Variants in SCAPER observed in about 807,000 individuals in gnomAD.
SCAPER encodes the protein S-phase cyclin A associated protein in the ER.
In SCAPER, 98 loss-of-function variants were observed where a neutral mutation model predicts 182.2. The ratio of observed to expected loss-of-function variants is 0.54; its 90% CI spans 0.46 to 0.64. The LOEUF (loss-of-function observed/expected upper bound fraction) is 0.64, where lower values mean the gene tolerates loss of function less well. Ranked by LOEUF, SCAPER falls within the 30% of genes least tolerant of loss-of-function variation. SCAPER has a pLI of 0.00. For synonymous variants in SCAPER, 605 were observed against 564.6 expected, an observed-to-expected ratio of 1.07 and a Z score of -1.01; for missense variants, 1,432 against 1,690.0, an observed-to-expected ratio of 0.85 and a Z score of 2.68.
chr15:76,864,966 C>T (rs2072161051), intron 2 of SCAPER, among the ~76,000 whole-genome samples: 1 of 152,138 alleles, frequency 6.6e-6, no homozygotes, highest in African/African-American at 2.4e-5. Context: ...TGCAGTTATA[C>T]TCCTTGGCAG....
chr15:76,697,492 C>T (rs573035683), intron 20 of SCAPER, among the ~76,000 whole-genome samples: 6 of 152,244 alleles, frequency 3.9e-5, no homozygotes, highest in African/African-American at 1.4e-4. Context: ...TGCGTGAATC[C>T]TATTATTTCC....
chr15:76,757,581 T>C (rs920249957), intron 14 of SCAPER, among the ~76,000 whole-genome samples: 1 of 152,078 alleles, frequency 6.6e-6, no homozygotes, highest in African/African-American at 2.4e-5. Flanking sequence ...GGTGCACAGG[T>C]ATCTCTTTTT....
intron 5 of SCAPER, among the ~76,000 whole-genome samples, chr15:76,833,864 G>C (rs1181061148): frequency 6.6e-6 from 1 of 152,168 alleles, no homozygotes; most frequent in African/African-American, 2.4e-5. Flanking sequence ...CATGACATAA[G>C]TTCTCAGAGA....
At chr15:76,776,469 T>C (rs2063750559) in intron 8 of SCAPER, among the ~76,000 whole-genome samples, 1 of 152,080 alleles carries the variant, frequency 6.6e-6, no homozygotes, top group Non-Finnish European at 1.5e-5. Flanking sequence ...CTCCTCTCAC[T>C]AGCTCTCACC....
At position 76,764,982 on chromosome 15, in the gene SCAPER, C is replaced by T; in HGVS notation, c.1704G>A (p.Lys568=). The part of the protein sequence containing the change: ...REKLREEKTL[K]LQKLLEREKD... Reference sequence around the variant, plus strand: ...TCACCCTTTCTAACAATTTCTGAAGCTTCAATGTTTTCTCTTCGCGTAACT... The same window carrying T: ...TCACCCTTTCTAACAATTTCTGAAGTTTCAATGTTTTCTCTTCGCGTAACT... The change falls in exon 14 of 32, where the codon AAG becomes AAA. Residue 568 remains lysine, a synonymous_variant. Coordinates refer to ENST00000563290, the MANE Select transcript of SCAPER (RefSeq NM_020843.4). 1.3e-6 allele frequency: 2 copies of T among 1,595,876 alleles called. No individual in the cohort carries two copies. The highest frequency in any genetic ancestry group is 1.7e-6 in the Non-Finnish European group (2 of 1,171,386).
intron 18 of SCAPER, among the ~76,000 whole-genome samples, chr15:76,705,045 A>G (rs372902731): frequency 1.3e-5 from 2 of 152,110 alleles, no homozygotes; most frequent in African/African-American, 2.4e-5. Context: ...CCCATTACTG[A>G]GTATATACCC....
At chr15:76,711,924 AGAAGGT>A (rs1482099416) in intron 17 of SCAPER, among the ~76,000 whole-genome samples, 1 of 152,126 alleles carries the variant, frequency 6.6e-6, no homozygotes, top group African/African-American at 2.4e-5. Flanking sequence ...TTTGCTGTGC[AGAAGGT>A]CTTTAGTTTA....
chr15:76,473,204 A>G (rs2050332802), intron 24 of SCAPER, among the ~76,000 whole-genome samples: 1 of 152,194 alleles, frequency 6.6e-6, no homozygotes. Context: ...AGGGCATAAA[A>G]TGAAGACCTC....
intron 6 of SCAPER, among the ~76,000 whole-genome samples, chr15:76,801,777 G>T (rs1166268033): frequency 6.6e-6 from 1 of 152,028 alleles, no homozygotes; most frequent in Non-Finnish European, 1.5e-5. Context: ...AAAATTAGCT[G>T]GGCGTGGTGG....
At chr15:76,384,563 A>G (rs1424301339) in intron 27 of SCAPER, among the ~76,000 whole-genome samples, 1 of 152,242 alleles carries the variant, frequency 6.6e-6, no homozygotes, top group Non-Finnish European at 1.5e-5. Context: ...AGTCTTTTGC[A>G]AATATTATCC....
rs191854026 is a variant in SCAPER at position 76,586,166 on chromosome 15, A to G, written c.2712-11882T>C. 2.4e-4 allele frequency among the ~76,000 whole-genome samples: 36 copies of G among 152,292 alleles called. 1 individual carries two copies. Among genetic ancestry groups the G allele is most frequent in the Admixed American group, 2.2e-3 (33 of 15,288 alleles). ...TCCCAGAATTCCTAACTTTTATCAT[A>G]GTTAAGTTTGCATGGGGTGGTGGGG... On this transcript the variant is annotated intron_variant, in intron 22 of 31. Transcript: ENST00000563290.
intron 23 of SCAPER, among the ~76,000 whole-genome samples, chr15:76,566,902 A>G (rs1184698229): frequency 1.3e-5 from 2 of 152,124 alleles, no homozygotes; most frequent in Non-Finnish European, 2.9e-5. Context: ...TTAAATAATA[A>G]TTTTAATTTG....
At chr15:76,760,141 A>G (rs897278887) in intron 14 of SCAPER, among the ~76,000 whole-genome samples, 1 of 152,188 alleles carries the variant, frequency 6.6e-6, no homozygotes, top group Non-Finnish European at 1.5e-5. Context: ...CAATTCTGAC[A>G]TTATCTACCT....
chr15:76,792,006 T>C (rs1259040824), intron 8 of SCAPER, among the ~76,000 whole-genome samples: 1 of 149,660 alleles, frequency 6.7e-6, no homozygotes, highest in East Asian at 2.0e-4. Context: ...ACTTGGGTGA[T>C]CTGCTTGTTC....
intron 23 of SCAPER, among the ~76,000 whole-genome samples, chr15:76,512,318 A>C (rs979771969): frequency 6.6e-6 from 1 of 152,070 alleles, no homozygotes; most frequent in African/African-American, 2.4e-5. Context: ...GAGCTTCATG[A>C]CCAAAGAATG....
At chr15:76,485,698 T>C (rs901812566) in intron 24 of SCAPER, among the ~76,000 whole-genome samples, 8 of 152,160 alleles carry the variant, frequency 5.3e-5, no homozygotes, top group Middle Eastern at 3.4e-3. Flanking sequence ...CACAGACCAA[T>C]GGTACAGAAT....
At chr15:76,488,380 A>G (rs1268014600) in intron 24 of SCAPER, among the ~76,000 whole-genome samples, 2 of 152,152 alleles carry the variant, frequency 1.3e-5, no homozygotes, top group African/African-American at 4.8e-5. Context: ...TTTCATAATG[A>G]CAATATTAAC....
chr15:76,668,934 G>C (rs1426525733), intron 20 of SCAPER, among the ~76,000 whole-genome samples: 4 of 152,024 alleles, frequency 2.6e-5, no homozygotes, highest in Non-Finnish European at 4.4e-5. Flanking sequence ...TCCTTACAAC[G>C]ATACTTAGAA....
At chr15:76,550,744 G>A (rs1040213008) in intron 23 of SCAPER, among the ~76,000 whole-genome samples, 2 of 152,110 alleles carry the variant, frequency 1.3e-5, no homozygotes, top group African/African-American at 2.4e-5. Flanking sequence ...GGTATTTCTG[G>A]TTCTAGATCT....
Sources: allele counts gnomAD v4.1 joint callset (sites outside exome capture counted in the v4.1 genomes callset), GRCh38; gene constraint gnomAD v4.1.1; transcripts MANE v1.5; gene names NCBI Gene and HGNC (gene_info 2026-07-23, HGNC 2026-07-21).